NINJ2: variants seen among roughly 807,000 people sequenced by gnomAD.
The protein encoded by NINJ2 is ninjurin 2, also known as ninjurin-2.
In NINJ2, 12 loss-of-function variants were observed where a neutral mutation model predicts 11.7. The observed-to-expected ratio is 1.02, with a 90% CI of 0.66 to 1.66. The LOEUF is 1.66. NINJ2 is among the 40% of genes most tolerant of loss of function. NINJ2 has a pLI of 0.00. For missense variants in NINJ2, 187 were observed against 181.8 expected, an observed-to-expected ratio of 1.03 and a Z score of -0.16; for synonymous variants, 93 against 76.8, an observed-to-expected ratio of 1.21 and a Z score of -1.10.
chr12:655,592 A>C (rs1937861779), intron 1 of NINJ2, among the ~76,000 whole-genome samples: 1 of 152,036 alleles, frequency 6.6e-6, no homozygotes, highest in Non-Finnish European at 1.5e-5. Flanking sequence ...GAAAACTACA[A>C]AACTGATTAA....
chr12:645,908 G>A (rs754709000), intron 1 of NINJ2: 14 of 152,192 alleles, frequency 9.2e-5, no homozygotes, highest in Non-Finnish European at 2.1e-4. Context: ...GTCTTCCAGA[G>A]TACCTCCCTT....
rs1185755822 is a variant in NINJ2, at chr12:609,770, C to CAAAAAAAAAAAAAA, written c.34-43606_34-43593dup. 3.8e-3 allele frequency among the ~76,000 whole-genome samples: 335 copies of CAAAAAAAAAAAAAA among 88,528 alleles called. 6 individuals carry two copies. Among genetic ancestry groups the CAAAAAAAAAAAAAA allele is most frequent in the African/African-American group, 8.2e-3 (163 of 19,940 alleles). The allele number at this position is 88,528 out of a possible 152,430, so 58.1% of individuals were successfully genotyped here. ...TGGGCAACAGAGTGAGACTCTGCCT[C>CAAAAAAAAAAAAAA]AAAAAAAAAAAAAAAAATAGGGAAA... On this transcript the variant is annotated intron_variant, in intron 1 of 3. Transcript: ENST00000305108.
At chr12:637,318 C>T (rs1487262003) in intron 1 of NINJ2, among the ~76,000 whole-genome samples, 1 of 151,236 alleles carries the variant, frequency 6.6e-6, no homozygotes, top group African/African-American at 2.4e-5. Context: ...CACTGCACTC[C>T]AGCCTGGGCG....
At chr12:648,357 C>T (rs536476157) in intron 1 of NINJ2, among the ~76,000 whole-genome samples, 2 of 152,284 alleles carry the variant, frequency 1.3e-5, no homozygotes, top group African/African-American at 2.4e-5. Flanking sequence ...GGATTACAGG[C>T]GTGAGCCACT....
intron 1 of NINJ2, among the ~76,000 whole-genome samples, chr12:624,351 C>G (rs1048189662): frequency 6.6e-6 from 1 of 152,148 alleles, no homozygotes; most frequent in African/African-American, 2.4e-5. Flanking sequence ...GGAGCTCTAA[C>G]TGGGTTAGGA....
At chr12:569,941 GTCCAGAGACGTGACTTGGGCGCCGCGGC>G (rs1183882228) in intron 1 of NINJ2, among the ~76,000 whole-genome samples, 1 of 152,138 alleles carries the variant, frequency 6.6e-6, no homozygotes, top group Non-Finnish European at 1.5e-5. Context: ...GGCGCGCGCG[GTCCAGAGACGTGACTTGGGCGCCGCGGC>G]TGCCGGGGGG....
At chr12:629,459 C>T (rs1948244887) in intron 1 of NINJ2, among the ~76,000 whole-genome samples, 1 of 152,170 alleles carries the variant, frequency 6.6e-6, no homozygotes, top group Non-Finnish European at 1.5e-5. Flanking sequence ...TCTTCCAGGT[C>T]TCTCCACGCA....
intron 1 of NINJ2, among the ~76,000 whole-genome samples, chr12:582,153 C>T (rs973973927): frequency 2.6e-5 from 4 of 152,252 alleles, no homozygotes; most frequent in African/African-American, 4.8e-5. Flanking sequence ...GTTCCTCCTC[C>T]CGCAGCTCTT....
At chr12:565,673 A>G in intron 2 of NINJ2, 1 of 612,352 alleles carries the variant, frequency 1.6e-6, no homozygotes. Flanking sequence ...GCGGTGAGCG[A>G]GTGAGTGAGT....
intron 1 of NINJ2, among the ~76,000 whole-genome samples, chr12:612,960 C>G (rs555942466): frequency 1.3e-5 from 2 of 152,294 alleles, no homozygotes; most frequent in East Asian, 3.9e-4. Flanking sequence ...CCAAGGGATG[C>G]TAAACAGGCC....
chr12:599,434 G>C (rs1005128749), intron 1 of NINJ2, among the ~76,000 whole-genome samples: 1 of 152,068 alleles, frequency 6.6e-6, no homozygotes, highest in Non-Finnish European at 1.5e-5. Flanking sequence ...TGAGAATGAC[G>C]AAGCTAAATC....
rs948963450 is a variant in NINJ2, at chr12:591,390, T to A, written c.34-25212A>T. On this transcript the variant is annotated intron_variant, in intron 1 of 3. Coordinates refer to ENST00000305108, the MANE Select transcript of NINJ2 (RefSeq NM_016533.6). The surrounding 1 kb of genome is among the most constrained non-coding windows in gnomAD (Gnocchi z 5.0). ...TGGGCAGAAATAGCCCTGTCACTCA[T>A]GCCCAGCTGCACACACGTCAACAAC... 6.6e-6 allele frequency: 1 copy of A among 152,262 alleles called. No individual in the cohort carries two copies. Among genetic ancestry groups the A allele is most frequent in the African/African-American group, 2.4e-5 (1 of 41,428 alleles). The allele number at this position is 152,262 out of a possible 1,614,324, so 9.4% of individuals were successfully genotyped here. A position where few individuals can be genotyped will look rare whatever the true frequency, so the allele number is the denominator to read the frequency against.
intron 1 of NINJ2, among the ~76,000 whole-genome samples, chr12:609,432 G>A (rs543658344): frequency 6.6e-6 from 1 of 152,336 alleles, no homozygotes; most frequent in Admixed American, 6.5e-5. Flanking sequence ...CCATTTTGTA[G>A]TCCTTGTGAG....
At chr12:584,455 G>A (rs560483229) in intron 1 of NINJ2, among the ~76,000 whole-genome samples, 1 of 152,266 alleles carries the variant, frequency 6.6e-6, no homozygotes, top group African/African-American at 2.4e-5. Flanking sequence ...TTGATCACCT[G>A]AGGTCAGGAG....
Position 640,353 on chromosome 12 carries a change from T to G in NINJ2, c.33+22975A>C, listed in dbSNP as rs1275086767. ...GGCAACTGAAGCTTTAAAAAAAAGGTAGGCCTGCGGGCTCCTTGCCTGAGC... is the reference window on the plus strand; with the variant it reads ...GGCAACTGAAGCTTTAAAAAAAAGGGAGGCCTGCGGGCTCCTTGCCTGAGC... On this transcript the variant is annotated intron_variant, in intron 1 of 3. Transcript: ENST00000305108. The surrounding 1 kb of genome is among the most constrained non-coding windows in gnomAD (Gnocchi z 4.0). 1.3e-5 allele frequency among the ~76,000 whole-genome samples: 2 copies of G among 152,290 alleles called. No individual in the cohort carries two copies. The highest frequency in any genetic ancestry group is 3.9e-4 in the East Asian group (2 of 5,194).
Position 585,333 on chromosome 12 carries a change from T to C in NINJ2, c.34-19155A>G, listed in dbSNP as rs1007769242. Among the ~76,000 whole-genome samples, 1 of 152,160 alleles carries C rather than the reference T, an allele frequency of 6.6e-6. No individual in the cohort carries two copies. The highest frequency in any genetic ancestry group is 2.4e-5 in the African/African-American group (1 of 41,424). ...AACTGCCCATGCCAAGAGGGGTCCATACCAACTTCCGGAATAAACGAGGCC... is the reference window on the plus strand; with the variant it reads ...AACTGCCCATGCCAAGAGGGGTCCACACCAACTTCCGGAATAAACGAGGCC... On this transcript the variant is annotated intron_variant, in intron 1 of 3. Transcript: ENST00000305108. The surrounding 1 kb of genome is among the most constrained non-coding windows in gnomAD (Gnocchi z 4.1).
At chr12:644,588 G>C (rs781638742) in intron 1 of NINJ2, 1 of 152,272 alleles carries the variant, frequency 6.6e-6, no homozygotes, top group Non-Finnish European at 1.5e-5. Flanking sequence ...CAGGGCAGGG[G>C]GACGGGGCCT....
chr12:601,340 A>G (rs1160011160), intron 1 of NINJ2, among the ~76,000 whole-genome samples: 28 of 151,550 alleles, frequency 1.8e-4, no homozygotes, highest in Admixed American at 1.8e-3. Flanking sequence ...AAGTCAGGAG[A>G]TCGAGACCAT....
At chr12:641,610 C>T (rs1299742614) in intron 1 of NINJ2, among the ~76,000 whole-genome samples, 2 of 152,044 alleles carry the variant, frequency 1.3e-5, no homozygotes, top group African/African-American at 4.8e-5. Flanking sequence ...TCTGGGAGGC[C>T]GAGGCAGGCG....
Sources: gnomAD v4.1 joint callset for allele counts (sites outside exome capture counted in the v4.1 genomes callset) on GRCh38, gnomAD v4.1.1 for gene constraint, Gnocchi (gnomAD v3.1) non-coding constraint, MANE v1.5 for transcripts, NCBI Gene and HGNC (gene_info 2026-07-23, HGNC 2026-07-21) for gene names.